The following THSD7B variants were observed in gnomAD, a reference collection of about 807,000 sequenced individuals.
THSD7B encodes thrombospondin type-1 domain-containing protein 7B.
In THSD7B, 138 loss-of-function variants were observed where a neutral mutation model predicts 213.6. That is an observed-to-expected ratio of 0.65 (90% CI 0.56 to 0.74). The LOEUF (loss-of-function observed/expected upper bound fraction) is 0.74, where lower values mean the gene tolerates loss of function less well. Among genes scored for constraint, THSD7B ranks in the 30% least tolerant of loss-of-function variants. THSD7B has a pLI of 0.00. For synonymous variants in THSD7B, 742 were observed against 687.0 expected, an observed-to-expected ratio of 1.08 and a Z score of -1.25; for missense variants, 1,931 against 1,991.5, an observed-to-expected ratio of 0.97 and a Z score of 0.58.
At chr2:137,097,857 T>C (rs778546216) in intron 4 of THSD7B, among the ~76,000 whole-genome samples, 1 of 150,982 alleles carries the variant, frequency 6.6e-6, no homozygotes, top group Non-Finnish European at 1.5e-5. Context: ...GAGAATTAAC[T>C]GAAATACCAA....
intron 12 of THSD7B, among the ~76,000 whole-genome samples, chr2:137,280,787 TG>T (rs1254332947): frequency 6.6e-6 from 1 of 152,096 alleles, no homozygotes; most frequent in Non-Finnish European, 1.5e-5. Flanking sequence ...TTCTAGAAAC[TG>T]CCCTTAAAAT....
At chr2:137,045,760 T>C (rs749654129) in intron 2 of THSD7B, among the ~76,000 whole-genome samples, 3 of 152,196 alleles carry the variant, frequency 2.0e-5, no homozygotes, top group Non-Finnish European at 2.9e-5. Context: ...TCTTGGGTGC[T>C]TTAGTACATT....
In THSD7B at chr2:137,405,624, A is replaced by G. The variant is rs2105004740; in HGVS notation, c.2512A>G (p.Ile838Val). 4 of 1,603,480 alleles carry G rather than the reference A, an allele frequency of 2.5e-6. No homozygotes were observed. The highest frequency in any genetic ancestry group is 4.5e-5 in the East Asian group (2 of 44,620). ...ATGCTTTTTTTCAGCTGTCTCATGC[A>G]TCTCTGATGACAACCGGTCAGCAGA... Reference protein sequence around the residue: ...KGLQTRAVSCISDDNRSAEMM... With the variant: ...KGLQTRAVSCVSDDNRSAEMM... Residue 838 changes from isoleucine (I) to valine (V), a missense_variant, in exon 13 of 28, where the codon ATC becomes GTC. Physicochemically the swap from Ile to Val is conservative, Grantham distance 29. Transcript: ENST00000409968.
chr2:136,800,035 G>A (rs1344697895), intron 1 of THSD7B, among the ~76,000 whole-genome samples: 2 of 151,876 alleles, frequency 1.3e-5, no homozygotes, highest in African/African-American at 2.4e-5. Context: ...ACTCTAGGGG[G>A]AATAAGAAAT....
intron 12 of THSD7B, among the ~76,000 whole-genome samples, chr2:137,295,593 A>G (rs933234883): frequency 6.6e-6 from 1 of 152,146 alleles, no homozygotes; most frequent in Admixed American, 6.5e-5. Flanking sequence ...CTCCTGCCTC[A>G]GTTTCCTGAG....
chr2:136,797,193 A>G (rs1157286932), intron 1 of THSD7B, among the ~76,000 whole-genome samples: 2 of 151,996 alleles, frequency 1.3e-5, no homozygotes, highest in Admixed American at 1.3e-4. Flanking sequence ...CAAGTTATTG[A>G]GAGTGGGTGA....
chr2:137,471,315 A>G (rs1183829516), intron 15 of THSD7B, among the ~76,000 whole-genome samples: 1 of 152,140 alleles, frequency 6.6e-6, no homozygotes, highest in Non-Finnish European at 1.5e-5. Flanking sequence ...TCCACATTTC[A>G]TATGTTTAAA....
chr2:137,597,254 C>A (rs1681979808), intron 17 of THSD7B, among the ~76,000 whole-genome samples: 1 of 151,922 alleles, frequency 6.6e-6, no homozygotes, highest in South Asian at 2.1e-4. Flanking sequence ...GTTATCAACA[C>A]CTGTATAGTT....
intron 12 of THSD7B, among the ~76,000 whole-genome samples, chr2:137,366,337 A>G (rs565538601): frequency 1.3e-5 from 2 of 152,256 alleles, no homozygotes; most frequent in South Asian, 2.1e-4. Context: ...TTATGTATAC[A>G]TATGTAACAA....
intron 3 of THSD7B, among the ~76,000 whole-genome samples, chr2:137,075,478 T>C (rs146803551): frequency 0.097 from 14,756 of 152,164 alleles, 981 homozygotes; most frequent in African/African-American, 0.19. Flanking sequence ...ATTCTAGTTA[T>C]CCATTCATCT....
intron 21 of THSD7B, among the ~76,000 whole-genome samples, chr2:137,645,248 A>G (rs529969135): frequency 6.6e-6 from 1 of 152,352 alleles, no homozygotes; most frequent in Admixed American, 6.5e-5. Flanking sequence ...AGTTAGTATT[A>G]TAATTTTTAT....
chr2:137,378,954 T>C (rs1352303753), intron 12 of THSD7B, among the ~76,000 whole-genome samples: 1 of 152,220 alleles, frequency 6.6e-6, no homozygotes, highest in East Asian at 1.9e-4. Context: ...GATTTTATTT[T>C]ATCCATTTTT....
chr2:137,029,972 G>C (rs1686632418), intron 2 of THSD7B, among the ~76,000 whole-genome samples: 2 of 152,114 alleles, frequency 1.3e-5, no homozygotes, highest in Admixed American at 1.3e-4. Context: ...TCATATATTT[G>C]TGATCTGTAT....
chr2:137,233,291 A>C (rs183496672), intron 9 of THSD7B, among the ~76,000 whole-genome samples, 158 bp downstream of exon 9: 150 of 152,362 alleles, frequency 9.8e-4, no homozygotes, highest in African/African-American at 3.4e-3. Context: ...CATGTGCCTC[A>C]AACAAAGATA....
At chr2:137,061,834 T>C (rs912507524) in intron 3 of THSD7B, among the ~76,000 whole-genome samples, 4 of 151,816 alleles carry the variant, frequency 2.6e-5, no homozygotes, top group Non-Finnish European at 5.9e-5. Context: ...ACTTGTAATG[T>C]CTTTGTTGTG....
intron 1 of THSD7B, among the ~76,000 whole-genome samples, chr2:136,881,546 A>T (rs1401219541): frequency 6.6e-6 from 1 of 152,184 alleles, no homozygotes; most frequent in Non-Finnish European, 1.5e-5. Context: ...ACGTTCTAGC[A>T]GTCAAAGTCA....
chr2:137,231,302 T>G, intron 8 of THSD7B, 67 bp downstream of exon 8: 1 of 1,456,584 alleles, frequency 6.9e-7, no homozygotes. Context: ...TCCTCATTGG[T>G]GATAGAGAAG....
chr2:137,157,527 A>G (rs765940994), intron 5 of THSD7B, among the ~76,000 whole-genome samples: 8 of 152,166 alleles, frequency 5.3e-5, no homozygotes, highest in Non-Finnish European at 8.8e-5. Context: ...GCTACACACA[A>G]CAAAGAGGGA....
intron 2 of THSD7B, among the ~76,000 whole-genome samples, chr2:137,004,020 C>T (rs1362825177): frequency 6.6e-6 from 1 of 152,148 alleles, no homozygotes; most frequent in Non-Finnish European, 1.5e-5. Context: ...TCCCCTGTTG[C>T]TTCCTAAAGG....
Sources: gnomAD v4.1 joint callset for allele counts (sites outside exome capture counted in the v4.1 genomes callset) on GRCh38, gnomAD v4.1.1 for gene constraint, MANE v1.5 for transcripts, NCBI Gene and HGNC (gene_info 2026-07-23, HGNC 2026-07-21) for gene names.